MSRA: variants seen among roughly 807,000 people sequenced by gnomAD.
MSRA encodes the protein methionine sulfoxide reductase A.
A neutral mutation model predicts 31.3 loss-of-function variants in MSRA; 54 were observed. The ratio of observed to expected loss-of-function variants is 1.73; its 90% CI spans 1.39 to 2.17. The LOEUF is 2.17. MSRA is among the 30% of genes most tolerant of loss of function. The pLI, the probability that MSRA is intolerant of heterozygous loss-of-function variation, is 0.00. For missense variants in MSRA, 507 were observed against 300.9 expected (o/e 1.69, Z -5.07); for synonymous variants, 169 against 116.5 (o/e 1.45, Z -2.90).
chr8:10,354,777 T>TAC (rs1313535975), intron 5 of MSRA, among the ~76,000 whole-genome samples: 2 of 144,644 alleles, frequency 1.4e-5, no homozygotes, highest in Non-Finnish European at 3.1e-5. Flanking sequence ...TATATATATA[T>TAC]ACCAGTTATA....
At chr8:10,097,370 C>T (rs752783402) in intron 1 of MSRA, among the ~76,000 whole-genome samples, 19 of 152,072 alleles carry the variant, frequency 1.2e-4, no homozygotes, top group Admixed American at 3.3e-4. Flanking sequence ...CTAAAATGGA[C>T]GCCAAGACAT....
At chr8:10,298,955 C>G (rs1380948313) in intron 3 of MSRA, among the ~76,000 whole-genome samples, 1 of 152,256 alleles carries the variant, frequency 6.6e-6, no homozygotes, top group Admixed American at 6.5e-5. Flanking sequence ...CTTTGTGGCT[C>G]TTGCTACATA....
rs998101757 is a variant in MSRA, at chr8:10,217,359, A to G, written c.211+9458A>G. On this transcript the variant is annotated intron_variant, in intron 2 of 5. Coordinates refer to ENST00000317173, the MANE Select transcript of MSRA (RefSeq NM_012331.5). ...CGTGACCCTCTCCCCACAAGGGACT[A>G]TTTGGTCCTTGCATCTCTGCAGGTG... is the stretch of plus-strand genomic sequence containing the variant. Among the ~76,000 whole-genome samples, 10 of 152,102 alleles carry G rather than the reference A, an allele frequency of 6.6e-5. No homozygotes were observed. In the South Asian group the frequency reaches 8.3e-4, roughly 13 times the overall value.
rs59927802 is a variant in MSRA, at chr8:10,425,366, A to C, written c.544-2782A>C. Among the ~76,000 whole-genome samples the C allele has an allele frequency of 2.6e-5, 4 of 152,136 alleles. No homozygotes were observed. In the East Asian group the frequency reaches 5.8e-4, roughly 22 times the overall value. On this transcript the variant is annotated intron_variant, in intron 5 of 5. Transcript: ENST00000317173. Reference sequence around the variant, plus strand: ...CTGCCATCTTGTGGCTGAGGCTGGTACTGCCGAGGCCCACCGGCAAACCTC... The same window carrying C: ...CTGCCATCTTGTGGCTGAGGCTGGTCCTGCCGAGGCCCACCGGCAAACCTC...
intron 3 of MSRA, among the ~76,000 whole-genome samples, chr8:10,281,629 C>T (rs530034147): frequency 1.6e-4 from 25 of 152,362 alleles, no homozygotes; most frequent in African/African-American, 4.1e-4. Flanking sequence ...AATGGTCTTT[C>T]AGAGACGATT....
At chr8:10,121,352 C>T (rs1218379534) in intron 1 of MSRA, among the ~76,000 whole-genome samples, 1 of 152,156 alleles carries the variant, frequency 6.6e-6, no homozygotes, top group African/African-American at 2.4e-5. Context: ...CGTGCATCCA[C>T]CTGAGGCTGG....
At chr8:10,341,432 G>C (rs955864066) in intron 5 of MSRA, among the ~76,000 whole-genome samples, 1 of 152,144 alleles carries the variant, frequency 6.6e-6, no homozygotes, top group African/African-American at 2.4e-5. Context: ...ACCAAAGAAT[G>C]GTCCAAGCCA....
At chr8:10,266,680 T>G (rs559957359) in intron 3 of MSRA, among the ~76,000 whole-genome samples, 1 of 152,188 alleles carries the variant, frequency 6.6e-6, no homozygotes, top group Non-Finnish European at 1.5e-5. Context: ...TTTTCTCTTA[T>G]TTTTTCAGAA....
chr8:10,391,165 T>C (rs1806721022), intron 5 of MSRA, among the ~76,000 whole-genome samples: 1 of 152,248 alleles, frequency 6.6e-6, no homozygotes, highest in Non-Finnish European at 1.5e-5. Flanking sequence ...TTAACCTCAT[T>C]TGCATTGGCT....
intron 5 of MSRA, among the ~76,000 whole-genome samples, chr8:10,384,112 C>T (rs977010579): frequency 1.3e-5 from 2 of 152,116 alleles, no homozygotes; most frequent in African/African-American, 4.8e-5. Context: ...GCTATGTGCC[C>T]AGAGCTTGTA....
chr8:10,110,916 T>A (rs1392327168), intron 1 of MSRA, among the ~76,000 whole-genome samples: 1 of 152,188 alleles, frequency 6.6e-6, no homozygotes, highest in African/African-American at 2.4e-5. Context: ...AGTTACATGG[T>A]TTTTCTCCTA....
At chr8:10,110,635 C>T (rs541156678) in intron 1 of MSRA, among the ~76,000 whole-genome samples, 1 of 152,210 alleles carries the variant, frequency 6.6e-6, no homozygotes, top group Non-Finnish European at 1.5e-5. Context: ...TTCTCTGATC[C>T]TTCATCTCCT....
In MSRA at chr8:10,211,529, T is replaced by G. The variant is rs550193224; in HGVS notation, c.211+3628T>G. Among the ~76,000 whole-genome samples, 174 of 152,260 alleles carry G rather than the reference T, an allele frequency of 1.1e-3. 1 individual carries two copies. Among genetic ancestry groups the G allele is most frequent in the African/African-American group, 4.1e-3 (169 of 41,548 alleles). On this transcript the variant is annotated intron_variant, in intron 2 of 5. Transcript: ENST00000317173. ...GCCCTCTGCTTGCAAGCTGGAAAAGTGGAGCCACACATTTTGCAATTACTT... is the reference window on the plus strand; with the variant it reads ...GCCCTCTGCTTGCAAGCTGGAAAAGGGGAGCCACACATTTTGCAATTACTT...
At chr8:10,228,673 C>T (rs1469943196) in intron 2 of MSRA, among the ~76,000 whole-genome samples, 3 of 152,114 alleles carry the variant, frequency 2.0e-5, no homozygotes, top group African/African-American at 4.8e-5. Flanking sequence ...CCAGGCCTTC[C>T]TTCATGGGAA....
chr8:10,257,534 G>C (rs564432415), intron 3 of MSRA, among the ~76,000 whole-genome samples: 1 of 152,318 alleles, frequency 6.6e-6, no homozygotes, highest in African/African-American at 2.4e-5. Context: ...AGCCTCTGGA[G>C]GAGCTGGGAT....
At chr8:10,082,143 C>G (rs1034521428) in intron 1 of MSRA, among the ~76,000 whole-genome samples, 13 of 152,104 alleles carry the variant, frequency 8.5e-5, no homozygotes, top group Non-Finnish European at 1.6e-4. Context: ...GAGGTCAAGA[C>G]TGAGTGAGCT....
At chr8:10,358,594 T>C (rs1204749737) in intron 5 of MSRA, among the ~76,000 whole-genome samples, 1 of 78,632 alleles carries the variant, frequency 1.3e-5, no homozygotes, top group East Asian at 2.9e-4. Flanking sequence ...TTTTTTTTTT[T>C]TTTTTTTTTT....
intron 4 of MSRA, among the ~76,000 whole-genome samples, chr8:10,314,884 A>T (rs1801626693): frequency 6.6e-6 from 1 of 152,344 alleles, no homozygotes; most frequent in East Asian, 1.9e-4. Flanking sequence ...TATTAATTTT[A>T]AAAATAGGCT....
intron 1 of MSRA, among the ~76,000 whole-genome samples, chr8:10,173,674 C>A (rs1056127499): frequency 1.3e-5 from 2 of 152,206 alleles, no homozygotes; most frequent in Non-Finnish European, 2.9e-5. Flanking sequence ...CCAGGCTCAA[C>A]TTTTCAAGAT....
Sources: allele counts gnomAD v4.1 joint callset (sites outside exome capture counted in the v4.1 genomes callset), GRCh38; gene constraint gnomAD v4.1.1; transcripts MANE v1.5; gene names NCBI Gene and HGNC (gene_info 2026-07-23, HGNC 2026-07-21).